The following EIF3H variants were observed in gnomAD, a reference collection of about 807,000 sequenced individuals.
EIF3H encodes the protein eukaryotic translation initiation factor 3 subunit H.
A neutral mutation model predicts 44.2 loss-of-function variants in EIF3H; 26 were observed. The ratio of observed to expected loss-of-function variants is 0.59; its 90% CI spans 0.43 to 0.82. The LOEUF (loss-of-function observed/expected upper bound fraction) is 0.82. Among genes scored for constraint, EIF3H ranks in the 40% least tolerant of loss-of-function variants. The pLI is 0.00. For missense variants in EIF3H, 359 were observed against 432.8 expected, an observed-to-expected ratio of 0.83 and a Z score of 1.51; for synonymous variants, 166 against 151.9, an observed-to-expected ratio of 1.09 and a Z score of -0.68.
intron 1 of EIF3H, chr8:116,734,307 G>A: frequency 2.2e-6 from 1 of 456,036 alleles, no homozygotes; most frequent in Non-Finnish European, 4.4e-6. Context: ...GCTTCTGAGA[G>A]GATACCTGAC....
chr8:116,657,668 T>A (rs1813514291), intron 3 of EIF3H: 1 of 209,248 alleles, frequency 4.8e-6, no homozygotes, highest in Non-Finnish European at 9.4e-6. Context: ...CTGATAAATA[T>A]TAAACATGAA....
At chr8:116,744,882 C>G (rs1367388008) in intron 1 of EIF3H, among the ~76,000 whole-genome samples, 1 of 152,134 alleles carries the variant, frequency 6.6e-6, no homozygotes, top group Non-Finnish European at 1.5e-5. Context: ...TAAGAACTTG[C>G]AAAGATTCTT....
At chr8:116,722,843 G>A (rs903837884) in intron 2 of EIF3H, among the ~76,000 whole-genome samples, 1 of 152,100 alleles carries the variant, frequency 6.6e-6, no homozygotes, top group South Asian at 2.1e-4. Context: ...GTAAAATTAG[G>A]ATAATAATCT....
intron 2 of EIF3H, among the ~76,000 whole-genome samples, chr8:116,661,970 G>A (rs1554597811): frequency 6.6e-6 from 1 of 152,142 alleles, no homozygotes; most frequent in Non-Finnish European, 1.5e-5. Context: ...TTCTTTATTA[G>A]GGGAAATGAG....
chr8:116,646,303 C>T (rs956096422), intron 7 of EIF3H, among the ~76,000 whole-genome samples, 168 bp downstream of exon 7: 3 of 152,212 alleles, frequency 2.0e-5, no homozygotes, highest in African/African-American at 7.2e-5. Flanking sequence ...CAAACTCTTA[C>T]AAGTTCTTAG....
intron 3 of EIF3H, among the ~76,000 whole-genome samples, chr8:116,657,966 T>C (rs1054349926): frequency 2.0e-5 from 3 of 152,224 alleles, no homozygotes; most frequent in African/African-American, 4.8e-5. Context: ...TGTGTTAACA[T>C]TCATGTTGTC....
chr8:116,670,540 T>C (rs1421858865), intron 2 of EIF3H, among the ~76,000 whole-genome samples: 1 of 152,204 alleles, frequency 6.6e-6, no homozygotes, highest in East Asian at 1.9e-4. Context: ...TTCACCTAAC[T>C]ACTCTGTGAT....
chr8:116,668,719 T>A (rs1190094343), intron 2 of EIF3H, among the ~76,000 whole-genome samples: 7 of 145,946 alleles, frequency 4.8e-5, no homozygotes, highest in Non-Finnish European at 1.1e-4. Context: ...ATGGGGAATG[T>A]GGGGGTCGTA....
intron 2 of EIF3H, among the ~76,000 whole-genome samples, chr8:116,713,789 A>T (rs1053520575): frequency 1.3e-5 from 2 of 152,112 alleles, no homozygotes; most frequent in African/African-American, 2.4e-5. Flanking sequence ...TTTAGCAGTA[A>T]ATCACTAAAT....
chr8:116,664,793 A>G (rs1332870324), intron 2 of EIF3H, among the ~76,000 whole-genome samples: 2 of 152,216 alleles, frequency 1.3e-5, no homozygotes, highest in Non-Finnish European at 2.9e-5. Flanking sequence ...TTAAGAATCT[A>G]CCATCTAATA....
Position 116,718,645 on chromosome 8 carries a change from T to TTC in EIF3H, c.289+7369_289+7370dup, listed in dbSNP as rs1327626537. ...GGAATGGAAAACCGAACATCATATG[T>TTC]TCTCATTCATAAGTGGGAGTGAAGC... On this transcript the variant is annotated intron_variant, in intron 2 of 7. Coordinates refer to ENST00000521861, the MANE Select transcript of EIF3H (RefSeq NM_003756.3). Among the ~76,000 whole-genome samples, 6 of 149,740 alleles carry TTC rather than the reference T, an allele frequency of 4.0e-5. No homozygotes were observed. The East Asian group carries it at 1.2e-3, about 29-fold the overall frequency.
chr8:116,747,480 A>G (rs1323851295), intron 1 of EIF3H, among the ~76,000 whole-genome samples: 4 of 152,244 alleles, frequency 2.6e-5, no homozygotes, highest in Non-Finnish European at 5.9e-5. Context: ...TAATTAAAAT[A>G]GCTAAAATGT....
chr8:116,653,001 G>A (rs1350680391), intron 5 of EIF3H, among the ~76,000 whole-genome samples: 2 of 152,098 alleles, frequency 1.3e-5, no homozygotes, highest in East Asian at 3.9e-4. Flanking sequence ...AATTGCAAAA[G>A]GAAATCAGAG....
chr8:116,657,128 C>A, intron 4 of EIF3H, 87 bp downstream of exon 4: 1 of 1,190,296 alleles, frequency 8.4e-7, no homozygotes, highest in Admixed American at 1.7e-5. Context: ...CATTACCACA[C>A]CACAACCAAG....
At chr8:116,653,371 A>ACACACACACACACACACACACC (rs59686939) in intron 5 of EIF3H, among the ~76,000 whole-genome samples, 1 of 151,720 alleles carries the variant, frequency 6.6e-6, no homozygotes, top group African/African-American at 2.4e-5. Context: ...ACACACACAC[A>ACACACACACACACACACACACC]ATCTGTGTAC....
intron 1 of EIF3H, among the ~76,000 whole-genome samples, chr8:116,739,437 T>G (rs537441380): frequency 2.4e-4 from 36 of 152,232 alleles, no homozygotes; most frequent in Non-Finnish European, 4.6e-4. Flanking sequence ...GATCACGAGG[T>G]CAGGAGATCG....
intron 2 of EIF3H, among the ~76,000 whole-genome samples, chr8:116,715,587 T>G (rs935300535): frequency 3.9e-5 from 6 of 152,080 alleles, no homozygotes; most frequent in African/African-American, 1.4e-4. Flanking sequence ...ACTCCAAATA[T>G]GAAAATTATG....
rs546376281 is a variant in EIF3H, at chr8:116,644,791, T to C, written c.*215A>G. 111 of 512,114 alleles carry C rather than the reference T, an allele frequency of 2.2e-4. 1 individual carries two copies. In the East Asian group the frequency reaches 3.1e-3, roughly 14 times the overall value. 31.7% of individuals were successfully genotyped at this position (512,114 alleles called of 1,614,324 possible). On this transcript the variant is annotated 3_prime_UTR_variant, in exon 8 of 8. Transcript: ENST00000521861. The stretch of plus-strand genomic sequence containing the variant: ...ATAAACAAGTATAAGCAAACAAAAG[T>C]AAGCCAGAGAAAATACATCTAAAAT...
At position 116,642,493 on chromosome 8, in the gene EIF3H, TAAG is replaced by T; in HGVS notation, c.*2510_*2512del. On this transcript the variant is annotated 3_prime_UTR_variant, in exon 8 of 8. Transcript: ENST00000521861. ...AGCAGGAATCCATTCTTTCAGGTTT[TAAG>T]AATAATGTTATGATTATTAGATTAT... The T allele has an allele frequency of 6.6e-6, 1 of 152,340 alleles. No homozygotes were observed. The highest frequency in any genetic ancestry group is 1.9e-4 in the East Asian group (1 of 5,184). 9.4% of individuals were successfully genotyped at this position (152,340 alleles called of 1,614,324 possible).
Sources: gnomAD v4.1 joint callset for allele counts (sites outside exome capture counted in the v4.1 genomes callset) on GRCh38, gnomAD v4.1.1 for gene constraint, MANE v1.5 for transcripts, NCBI Gene and HGNC (gene_info 2026-07-23, HGNC 2026-07-21) for gene names.